RGS5: variants seen among roughly 807,000 people sequenced by gnomAD.
RGS5 encodes the protein regulator of G protein signaling 5, also known as regulator of G-protein signalling 5.
In RGS5, 20 loss-of-function variants were observed where a neutral mutation model predicts 18.9. The ratio of observed to expected loss-of-function variants is 1.06; its 90% CI spans 0.74 to 1.54. RGS5 has a LOEUF of 1.54. RGS5 is among the 40% of genes most tolerant of loss of function. The pLI is 0.00. For missense variants in RGS5, 201 were observed against 211.8 expected, an observed-to-expected ratio of 0.95 and a Z score of 0.32; for synonymous variants, 57 against 76.2, an observed-to-expected ratio of 0.75 and a Z score of 1.31.
At chr1:163,254,869 T>C (rs1245113137) in intron 2 of RGS5, among the ~76,000 whole-genome samples, 4 of 151,548 alleles carry the variant, frequency 2.6e-5, no homozygotes, top group African/African-American at 9.7e-5. Context: ...TACATATGGC[T>C]AGCCAGTTTT....
At chr1:163,313,376 A>G (rs1416465292) in intron 1 of RGS5, among the ~76,000 whole-genome samples, 1 of 152,248 alleles carries the variant, frequency 6.6e-6, no homozygotes, top group African/African-American at 2.4e-5. Flanking sequence ...CAAATCACTA[A>G]GCTGTGAAAT....
At chr1:163,255,472 G>A (rs1648247003) in intron 2 of RGS5, among the ~76,000 whole-genome samples, 1 of 152,034 alleles carries the variant, frequency 6.6e-6, no homozygotes. Flanking sequence ...ATAATCAATA[G>A]CTTACCAACC....
chr1:163,208,496 C>A (rs1363830971), intron 1 of RGS5, among the ~76,000 whole-genome samples: 1 of 76,350 alleles, frequency 1.3e-5, no homozygotes, highest in Non-Finnish European at 2.3e-5. Context: ...CCCTGGGCAA[C>A]AGAACAAGAC....
At chr1:163,305,370 T>C (rs1649668215) in intron 2 of RGS5, 1 of 152,488 alleles carries the variant, frequency 6.6e-6, no homozygotes, top group Admixed American at 6.5e-5. Context: ...AGCTACTAGC[T>C]CTCCATCCCT....
At chr1:163,215,074 G>A (rs1315909496) in intron 1 of RGS5, among the ~76,000 whole-genome samples, 1 of 152,090 alleles carries the variant, frequency 6.6e-6, no homozygotes. Context: ...AGCTAGTTTT[G>A]TGTATTTATT....
rs76777091 is a variant in RGS5, at chr1:163,238,289, C to T, written c.-281+67944G>A. 4.3e-3 allele frequency among the ~76,000 whole-genome samples: 648 copies of T among 152,194 alleles called. 3 individuals carry two copies. The highest frequency in any genetic ancestry group is 0.014 in the African/African-American group (600 of 41,522). On this transcript the variant is annotated intron_variant, in intron 2 of 5. Coordinates refer to the RGS5 transcript ENST00000618415. The stretch of plus-strand genomic sequence containing the variant: ...ACATTATTTGGAAAGGTCCAAACAC[C>T]TTAAAGAATTCAGTGTCAAAATCAT...
At position 163,238,927 on chromosome 1, in the gene RGS5, A is replaced by C. The variant is rs1448863144; in HGVS notation, c.-281+67306T>G. ...TGGATTATTTATGTTTAAAAATAGG[A>C]AAGATTTAATTAAAGCAACAGATAG... is the stretch of plus-strand genomic sequence containing the variant. On this transcript the variant is annotated intron_variant, in intron 2 of 5. Transcript: ENST00000618415. The C allele has an allele frequency of 4.6e-5, 9 of 196,920 alleles. No individual in the cohort carries two copies. The East Asian group carries it at 1.3e-3, about 28-fold the overall frequency. 12.2% of individuals were successfully genotyped at this position (196,920 alleles called of 1,614,324 possible).
At chr1:163,220,310 A>C (rs1647205024), upstream of RGS5, among the ~76,000 whole-genome samples, 2 of 121,776 alleles carry the variant, frequency 1.6e-5, no homozygotes, top group Admixed American at 1.6e-4. Flanking sequence ...TTCTGCATCC[A>C]TTAAAATAAT....
intron 1 of RGS5, among the ~76,000 whole-genome samples, chr1:163,200,077 C>T (rs1302607230): frequency 2.0e-5 from 3 of 152,016 alleles, no homozygotes; most frequent in South Asian, 2.1e-4. Flanking sequence ...GGTTAGAACT[C>T]GAAAACATGT....
At chr1:163,295,860 A>C (rs977433490) in intron 2 of RGS5, among the ~76,000 whole-genome samples, 1 of 152,170 alleles carries the variant, frequency 6.6e-6, no homozygotes, top group Non-Finnish European at 1.5e-5. Flanking sequence ...TAAGACCAAA[A>C]TCCCTTACTC....
At chr1:163,261,357 C>G (rs1648429441) in intron 2 of RGS5, among the ~76,000 whole-genome samples, 1 of 152,156 alleles carries the variant, frequency 6.6e-6, no homozygotes, top group Non-Finnish European at 1.5e-5. Flanking sequence ...AATTCTTGTG[C>G]TACTTTTCAG....
At chr1:163,298,713 G>A (rs563760487) in intron 2 of RGS5, among the ~76,000 whole-genome samples, 206 of 152,248 alleles carry the variant, frequency 1.4e-3, no homozygotes, top group Middle Eastern at 3.4e-3. Context: ...GAGATTCCCA[G>A]GGAGGATACC....
chr1:163,254,961 T>C (rs1456534586), intron 2 of RGS5, among the ~76,000 whole-genome samples: 642 of 135,380 alleles, frequency 4.7e-3, no homozygotes, highest in East Asian at 0.025. Context: ...TAGTTGTAGA[T>C]ATGCGGCGTT....
rs201777810 is a variant in RGS5, at chr1:163,280,958, A to T, written c.-281+25275T>A. Among the ~76,000 whole-genome samples, 5 of 152,226 alleles carry T rather than the reference A, an allele frequency of 3.3e-5. No individual in the cohort carries two copies. In the East Asian group the frequency reaches 9.7e-4, roughly 29 times the overall value. On this transcript the variant is annotated intron_variant, in intron 2 of 5. Coordinates refer to the RGS5 transcript ENST00000618415. ...GGTTTGGTTCTGCATCCCCACCCAA[A>T]TCTAATCCTGTAGCTCTCATTCCGA...
chr1:163,212,092 A>G (rs1189139742), intron 1 of RGS5: 20 of 152,206 alleles, frequency 1.3e-4, no homozygotes, highest in Admixed American at 1.3e-3. Context: ...TAGTCTTGCA[A>G]TTCCTACTCT....
chr1:163,205,367 AAAG>A (rs1189730553), upstream of RGS5, among the ~76,000 whole-genome samples: 4 of 151,288 alleles, frequency 2.6e-5, no homozygotes, highest in Non-Finnish European at 4.4e-5. Flanking sequence ...AAAAAAAAAA[AAAG>A]GAGAGAGCCT....
intron 2 of RGS5, among the ~76,000 whole-genome samples, chr1:163,258,970 C>T (rs548307013): frequency 6.6e-6 from 1 of 152,172 alleles, no homozygotes; most frequent in East Asian, 1.9e-4. Context: ...AGCCACCATG[C>T]CCTGCCAAAA....
At chr1:163,176,540 G>T (rs571153428) in intron 1 of RGS5, among the ~76,000 whole-genome samples, 2 of 151,242 alleles carry the variant, frequency 1.3e-5, no homozygotes, top group South Asian at 2.1e-4. Context: ...AGAATCCCTT[G>T]AACCCAGGAG....
chr1:163,223,608 T>A (rs12124183), intron 2 of RGS5, among the ~76,000 whole-genome samples: 36,261 of 152,074 alleles, frequency 0.24, 4,650 homozygotes, highest in Non-Finnish European at 0.28. Flanking sequence ...TCATTAGACA[T>A]AGCCCAAGTT....
Sources: allele counts gnomAD v4.1 joint callset (sites outside exome capture counted in the v4.1 genomes callset), GRCh38; gene constraint gnomAD v4.1.1; transcripts MANE v1.5; gene names NCBI Gene and HGNC (gene_info 2026-07-23, HGNC 2026-07-21).